Variants in FBN3 observed in about 807,000 individuals in gnomAD.
FBN3 encodes the protein fibrillin-3.
FBN3 carries 234 observed loss-of-function variants against 330.1 expected under a neutral mutation model. The observed-to-expected ratio is 0.71, with a 90% CI of 0.64 to 0.79. The LOEUF (loss-of-function observed/expected upper bound fraction) is 0.79. FBN3 is among the 30% of genes least tolerant of loss of function. The probability of loss-of-function intolerance (pLI) is 0.00; values close to 1 mark genes in which losing one functional copy is unlikely to be tolerated. For missense variants in FBN3, 3,606 were observed against 3,886.9 expected (o/e 0.93, Z 1.92); for synonymous variants, 1,458 against 1,517.3 (o/e 0.96, Z 0.91).
intron 53 of FBN3, 37 bp downstream of exon 53, chr19:8,087,788 A>G: frequency 1.9e-6 from 3 of 1,577,364 alleles, no homozygotes. Flanking sequence ...TTGTATTTTT[A>G]GTAGAGACAG....
At position 8,065,880 on chromosome 19, in the gene FBN3, C is replaced by G; in HGVS notation, c.*39G>C. On this transcript the variant is annotated 3_prime_UTR_variant, in exon 64 of 64. Transcript: ENST00000600128. ...AGTCCTTCCCAGTTCCAGAATCCCC[C>G]TTCTCTGGACAGCTGGGGCCCACTG... 3 of 1,464,380 alleles carry G rather than the reference C, an allele frequency of 2.0e-6. No homozygotes were observed. The allele number at this position is 1,464,380 out of a possible 1,614,324, so 90.7% of individuals were successfully genotyped here.
intron 51 of FBN3, 70 bp downstream of exon 51, chr19:8,089,475 C>T (rs970241670): frequency 6.3e-7 from 1 of 1,585,824 alleles, no homozygotes; most frequent in East Asian, 2.2e-5. Context: ...GGTGTCTTCC[C>T]TGCCCTGCTC....
intron 41 of FBN3, among the ~76,000 whole-genome samples, chr19:8,098,164 T>C (rs1273521886): frequency 6.6e-6 from 1 of 152,146 alleles, no homozygotes; most frequent in Admixed American, 6.5e-5. Context: ...AAAGCTGTTA[T>C]ATATAAACAA....
At position 8,072,151 on chromosome 19, in the gene FBN3, G is replaced by A. The variant is rs1363472567; in HGVS notation, c.7985C>T (p.Pro2662Leu). Reference protein sequence around the residue: ...LGFSPGPQDTPDKEELLSSEA... With the variant: ...LGFSPGPQDTLDKEELLSSEA... The stretch of plus-strand genomic sequence containing the variant: ...AGACGAGAGCAGCTCCTCTTTGTCC[G>A]GGGTGTCCTGGGGTCCGGGGCTGAA... Residue 2662 changes from proline to leucine, a missense_variant, in exon 63 of 64, where the codon CCG (proline) becomes CTG (leucine). Coordinates refer to ENST00000600128, the MANE Select transcript of FBN3 (RefSeq NM_032447.5). 4.4e-6 allele frequency: 7 copies of A among 1,597,092 alleles called. No homozygotes were observed. Among genetic ancestry groups the A allele is most frequent in the African/African-American group, 1.3e-5 (1 of 74,566 alleles).
chr19:8,116,260 C>T (rs1396974076), intron 29 of FBN3, among the ~76,000 whole-genome samples: 7 of 151,936 alleles, frequency 4.6e-5, no homozygotes, highest in Admixed American at 3.3e-4. Flanking sequence ...GGACAGCAGT[C>T]GCCACCTTAG....
At chr19:8,138,709 C>T in intron 8 of FBN3, 145 bp from the exon 9 acceptor site, 2 of 842,516 alleles carry the variant, frequency 2.4e-6, no homozygotes, top group South Asian at 3.5e-5. Flanking sequence ...AATGGGGATG[C>T]TTGGAGCATC....
In FBN3 at chr19:8,087,676, G is replaced by A. The variant is rs537536105; in HGVS notation, c.6619+149C>T. ...GGCTGGAGTGCAGTGGCATGATCTC[G>A]GCTCACTGCAACCTCCGCCTCCCAG... On this transcript the variant is annotated intron_variant, in intron 53 of 63. Transcript: ENST00000600128. 4.3e-5 allele frequency: 25 copies of A among 579,784 alleles called. 1 individual carries two copies. The highest frequency in any genetic ancestry group is 2.5e-4 in the South Asian group (14 of 56,964). The allele number at this position is 579,784 out of a possible 1,614,324, so 35.9% of individuals were successfully genotyped here.
chr19:8,132,976 A>G lies in FBN3; in HGVS notation c.1714+8T>C, dbSNP rs1213608431. 3 of 1,547,266 alleles carry G rather than the reference A, an allele frequency of 1.9e-6. No homozygotes were observed. Among genetic ancestry groups the G allele is most frequent in the Non-Finnish European group, 2.6e-6 (3 of 1,149,796 alleles). ...CCCCTCCGCTGGCCAGTCTGGCTCC[A>G]GGCTCACCCATGCAGTAGTGGCCGC... On this transcript the variant is annotated splice_region_variant and intron_variant, in intron 14 of 63. Transcript: ENST00000600128.
chr19:8,090,351 T>C (rs2082067479), intron 48 of FBN3, 100 bp from the exon 49 acceptor site: 10 of 1,385,410 alleles, frequency 7.2e-6, no homozygotes, highest in Non-Finnish European at 9.9e-6. Context: ...TGGGTTGTGC[T>C]GATCCTGCCA....
In FBN3 at chr19:8,136,102, G is replaced by T. The variant is rs759298927; in HGVS notation, c.1466-16C>A. 1.2e-6 allele frequency: 2 copies of T among 1,613,470 alleles called. No homozygotes were observed. Among genetic ancestry groups the T allele is most frequent in the South Asian group, 2.2e-5 (2 of 90,974 alleles). ...TCGTCCACATCTGCGGGGAAGGCAG[G>T]CGGGCAGTCAAGAGGTGCTCCCCAC... On this transcript the variant is annotated splice_polypyrimidine_tract_variant and intron_variant, in intron 12 of 63. Transcript: ENST00000600128.
intron 5 of FBN3, 73 bp downstream of exon 5, chr19:8,145,770 T>G: frequency 2.6e-6 from 3 of 1,156,158 alleles, no homozygotes; most frequent in Non-Finnish European, 3.8e-6. Context: ...AGTGGGCAGG[T>G]GGCAGCAGAG....
intron 13 of FBN3, 25 bp downstream of exon 13, chr19:8,135,936 G>GCCCC: frequency 4.5e-5 from 30 of 668,770 alleles, no homozygotes; most frequent in South Asian, 1.5e-4. Flanking sequence ...GGAAGCCCCT[G>GCCCC]CCCACCCGCC....
chr19:8,117,773 C>T (rs1483793680), intron 26 of FBN3, among the ~76,000 whole-genome samples, 184 bp from the exon 27 acceptor site: 1 of 152,094 alleles, frequency 6.6e-6, no homozygotes, highest in Non-Finnish European at 1.5e-5. Flanking sequence ...CTCCTATAAG[C>T]ACAGACACCC....
At chr19:8,075,829 A>G (rs2081626930) in intron 59 of FBN3, among the ~76,000 whole-genome samples, 1 of 152,218 alleles carries the variant, frequency 6.6e-6, no homozygotes, top group Admixed American at 6.5e-5. Flanking sequence ...TCTCCCATGG[A>G]AAAATGACAT....
intron 24 of FBN3, among the ~76,000 whole-genome samples, 183 bp downstream of exon 24, chr19:8,123,281 G>A (rs1005225945): frequency 6.6e-6 from 1 of 152,050 alleles, no homozygotes; most frequent in African/African-American, 2.4e-5. Context: ...TTGAACCTGG[G>A]AGGCGGAGGT....
chr19:8,119,129 C>T (rs1048025843), intron 25 of FBN3, 107 bp from the exon 26 acceptor site: 25 of 1,331,682 alleles, frequency 1.9e-5, no homozygotes, highest in Non-Finnish European at 2.3e-5. Flanking sequence ...GCCCCCTTCA[C>T]CCCAGCGGGA....
In FBN3 at chr19:8,087,880, G is replaced by A; in HGVS notation, c.6564C>T (p.Tyr2188=). 2 of 1,614,176 alleles carry A rather than the reference G, an allele frequency of 1.2e-6. No individual in the cohort carries two copies. The change falls in exon 53 of 64, where the codon TAC becomes TAT. Residue 2188 remains tyrosine, a synonymous_variant. Transcript: ENST00000600128. ...TGTAGCCGGCTGGACAGGTGCACAGGTAGGAGCCCTCGGTATTGTGGCAGC... is the reference window on the plus strand; with the variant it reads ...TGTAGCCGGCTGGACAGGTGCACAGATAGGAGCCCTCGGTATTGTGGCAGC... ...AFRCHNTEGS[Y]LCTCPAGYTL...
At position 8,065,956 on chromosome 19, in the gene FBN3, T is replaced by C. The variant is rs2081379638; in HGVS notation, c.8393A>G (p.Gln2798Arg). Residue 2798 changes from glutamine (Q) to arginine (R), a missense_variant, in exon 64 of 64, where the codon CAG (glutamine) becomes CGG (arginine). Transcript: ENST00000600128. ...QPEGQPGPWGQALRLKVQLQL... is the reference protein window; with the variant it reads ...QPEGQPGPWGRALRLKVQLQL... ...CAGCTGCACCTTCAGCCTCAAGGCC[T>C]GGCCCCATGGCCCTGGCTGCCCCTC... 1 of 1,608,088 alleles carries C rather than the reference T, an allele frequency of 6.2e-7. No individual in the cohort carries two copies. Among genetic ancestry groups the C allele is most frequent in the African/African-American group, 1.3e-5 (1 of 74,942 alleles).
intron 48 of FBN3, 46 bp downstream of exon 48, chr19:8,091,419 C>CCCCCCCCACAT: frequency 6.2e-7 from 1 of 1,605,636 alleles, no homozygotes; most frequent in Non-Finnish European, 8.5e-7. Flanking sequence ...CTGACCCTTC[C>CCCCCCCCACAT]CCGCCCCACT....
Sources: allele counts gnomAD v4.1 joint callset (sites outside exome capture counted in the v4.1 genomes callset), GRCh38; gene constraint gnomAD v4.1.1; transcripts MANE v1.5; gene names NCBI Gene and HGNC (gene_info 2026-07-23, HGNC 2026-07-21).